Variants in KCNQ1 observed in about 807,000 individuals in gnomAD.
The protein encoded by KCNQ1 is potassium voltage-gated channel subfamily Q member 1.
In KCNQ1, 49 loss-of-function variants were observed where a neutral mutation model predicts 72.4. The observed-to-expected ratio is 0.68, with a 90% confidence interval of 0.54 to 0.86. KCNQ1 has a LOEUF of 0.86. Among genes scored for constraint, KCNQ1 ranks in the 40% least tolerant of loss-of-function variants. The probability of loss-of-function intolerance (pLI) is 0.00; values close to 1 mark genes in which losing one functional copy is unlikely to be tolerated. For missense variants in KCNQ1, 790 were observed against 945.1 expected (o/e 0.84, Z 2.15); for synonymous variants, 450 against 412.6 (o/e 1.09, Z -1.10).
rs113079763 is a variant in KCNQ1 at position 2,713,910 on chromosome 11, G to A, written c.1514+51829G>A. Among the ~76,000 whole-genome samples the A allele has an allele frequency of 0.013, 1,993 of 152,350 alleles. 20 individuals are homozygous for A. Among genetic ancestry groups the A allele is most frequent in the Non-Finnish European group, 0.021 (1,423 of 68,026 alleles). On this transcript the variant is annotated intron_variant, in intron 11 of 15. Coordinates refer to ENST00000155840, the MANE Select transcript of KCNQ1 (RefSeq NM_000218.3). The surrounding 1 kb of genome is among the most constrained non-coding windows in gnomAD (Gnocchi z 5.6). ...CCCTGCAGACACGATGGCCCAGCAC[G>A]CCGCTCACTGCCGCGCCTTTGTTCT...
chr11:2,546,777 C>T (rs1336696010), intron 2 of KCNQ1, among the ~76,000 whole-genome samples: 1 of 152,230 alleles, frequency 6.6e-6, no homozygotes, highest in Middle Eastern at 3.4e-3. Context: ...TTTGAAGCTT[C>T]GTTCTTGGGT....
chr11:2,482,840 A>G lies in KCNQ1; in HGVS notation c.386+37356A>G, dbSNP rs774652522. On this transcript the variant is annotated intron_variant, in intron 1 of 15. Coordinates refer to ENST00000155840, the MANE Select transcript of KCNQ1 (RefSeq NM_000218.3). The surrounding 1 kb of genome is among the most constrained non-coding windows in gnomAD (Gnocchi z 5.7). ...GTGCACCTGCAGCAGCAAGACTGTC[A>G]TCTAGGTTGTTGGGGAAACCAGGAG... 2.5e-4 allele frequency among the ~76,000 whole-genome samples: 38 copies of G among 151,230 alleles called. No individual in the cohort carries two copies. Among genetic ancestry groups the G allele is most frequent in the African/African-American group, 7.9e-4 (32 of 40,594 alleles).
chr11:2,780,292 G>A (rs998030667), intron 15 of KCNQ1, among the ~76,000 whole-genome samples: 3 of 152,238 alleles, frequency 2.0e-5, no homozygotes, highest in Non-Finnish European at 4.4e-5. Flanking sequence ...TGGAGGGCTT[G>A]GTGGCACAGC....
At chr11:2,662,387 C>T in intron 11 of KCNQ1, 2 of 515,444 alleles carry the variant, frequency 3.9e-6, no homozygotes. Context: ...AGCCCCCTCC[C>T]CTGCCCCCCA....
Position 2,536,874 on chromosome 11 carries a change from C to T in KCNQ1, c.477+8856C>T, listed in dbSNP as rs919645460. On this transcript the variant is annotated intron_variant, in intron 2 of 15. Transcript: ENST00000155840. This position sits in a 1 kb window ranked among gnomAD's most constrained non-coding sequence, Gnocchi z 7.4. ...GGGCTGGTTCTTCTGAGGCCCCTCC[C>T]GGCTTCTGAGGGTGGCTAGCAACTG... Among the ~76,000 whole-genome samples, 11 of 151,994 alleles carry T rather than the reference C, an allele frequency of 7.2e-5. No individual in the cohort carries two copies. The highest frequency in any genetic ancestry group is 1.5e-4 in the Non-Finnish European group (10 of 68,018).
rs113288014 is a variant in KCNQ1 at position 2,786,980 on chromosome 11, A to G, written c.1794+8943A>G. Among the ~76,000 whole-genome samples, 78 of 125,298 alleles carry G rather than the reference A, an allele frequency of 6.2e-4. 1 individual carries two copies. Among genetic ancestry groups the G allele is most frequent in the African/African-American group, 2.2e-3 (74 of 33,088 alleles). 82.2% of individuals were successfully genotyped at this position (125,298 alleles called of 152,430 possible). On this transcript the variant is annotated intron_variant, in intron 15 of 15. Coordinates refer to ENST00000155840, the MANE Select transcript of KCNQ1 (RefSeq NM_000218.3). ...TTTTTTTTTTTCATTGTAAACTTAT[A>G]TATCTTAAAATTTATCTGTGGGAAT...
At chr11:2,832,327 C>G (rs904581477) in intron 15 of KCNQ1, among the ~76,000 whole-genome samples, 2 of 152,178 alleles carry the variant, frequency 1.3e-5, no homozygotes, top group African/African-American at 4.8e-5. Flanking sequence ...GATGCCTGTG[C>G]GGGACCTGGC....
At chr11:2,662,184 C>A in intron 11 of KCNQ1, 103 bp downstream of exon 11, 1 of 1,503,680 alleles carries the variant, frequency 6.7e-7, no homozygotes, top group South Asian at 1.2e-5. Context: ...AGAGTGCTAT[C>A]TACTCGCCTA....
At chr11:2,636,362 A>G (rs1364183214) in intron 10 of KCNQ1, 1 of 151,826 alleles carries the variant, frequency 6.6e-6, no homozygotes, top group South Asian at 2.1e-4. Flanking sequence ...ACATCCCATC[A>G]ATACCTAATT....
Position 2,595,929 on chromosome 11 carries a change from T to G in KCNQ1, c.1393+7075T>G, listed in dbSNP as rs1848727183. On this transcript the variant is annotated intron_variant, in intron 10 of 15. Coordinates refer to ENST00000155840, the MANE Select transcript of KCNQ1 (RefSeq NM_000218.3). The surrounding 1 kb of genome is among the most constrained non-coding windows in gnomAD (Gnocchi z 5.0). Reference sequence around the variant, plus strand: ...AACATTAGTGATTCATGGAAGAACGTCAAAATATCAGCATTAACAGGAATT... The same window carrying G: ...AACATTAGTGATTCATGGAAGAACGGCAAAATATCAGCATTAACAGGAATT... Among the ~76,000 whole-genome samples, 1 of 152,120 alleles carries G rather than the reference T, an allele frequency of 6.6e-6. No individual in the cohort carries two copies. Among genetic ancestry groups the G allele is most frequent in the Non-Finnish European group, 1.5e-5 (1 of 68,034 alleles).
rs1214025135 is a variant in KCNQ1, at chr11:2,663,703, T to C, written c.1514+1622T>C. On this transcript the variant is annotated intron_variant, in intron 11 of 15. Transcript: ENST00000155840. The surrounding 1 kb of genome is among the most constrained non-coding windows in gnomAD (Gnocchi z 5.2). ...AGCTGGGCAGCCAGGCCTTACCAAC[T>C]CTTGGGTCTTGCAAGGCCCCTGCAG... 2.5e-6 allele frequency: 1 copy of C among 398,560 alleles called. No individual in the cohort carries two copies. Among genetic ancestry groups the C allele is most frequent in the Non-Finnish European group, 4.4e-6 (1 of 226,098 alleles). 24.7% of individuals were successfully genotyped at this position (398,560 alleles called of 1,614,324 possible).
At position 2,603,562 on chromosome 11, in the gene KCNQ1, A is replaced by G. The variant is rs547495075; in HGVS notation, c.1393+14708A>G. On this transcript the variant is annotated intron_variant, in intron 10 of 15. Transcript: ENST00000155840. This position sits in a 1 kb window ranked among gnomAD's most constrained non-coding sequence, Gnocchi z 4.1. ...ATTCCATCCCCCTCAGCCCTAGGCA[A>G]TAACTAATCTTTCTCTCTATGGGTT... Among the ~76,000 whole-genome samples, 1 of 152,198 alleles carries G rather than the reference A, an allele frequency of 6.6e-6. No individual in the cohort carries two copies. Among genetic ancestry groups the G allele is most frequent in the East Asian group, 1.9e-4 (1 of 5,176 alleles).
chr11:2,629,008 C>A (rs1478526231), intron 10 of KCNQ1: 7 of 398,154 alleles, frequency 1.8e-5, no homozygotes. Flanking sequence ...AAATATAATT[C>A]AAAATAAGCA....
rs116103203 is a variant in KCNQ1, at chr11:2,461,726, G to A, written c.386+16242G>A. 454 of 1,366,530 alleles carry A rather than the reference G, an allele frequency of 3.3e-4. 2 individuals carry two copies. The African/African-American group carries it at 5.6e-3, about 17-fold the overall frequency. The allele number at this position is 1,366,530 out of a possible 1,614,324, so 84.7% of individuals were successfully genotyped here. The stretch of plus-strand genomic sequence containing the variant: ...GGGCCTGGCATGGAGTAGGTACCCC[G>A]GGGGTGGACAGATAGGCAGAGGAAG... On this transcript the variant is annotated intron_variant, in intron 1 of 15. Coordinates refer to ENST00000155840, the MANE Select transcript of KCNQ1 (RefSeq NM_000218.3).
chr11:2,760,795 T>C (rs1846380732), intron 11 of KCNQ1, among the ~76,000 whole-genome samples: 1 of 152,174 alleles, frequency 6.6e-6, no homozygotes, highest in Non-Finnish European at 1.5e-5. Flanking sequence ...TTGCAGGACA[T>C]GTGACAGGGG....
At chr11:2,499,082 C>A (rs1298519033) in intron 1 of KCNQ1, among the ~76,000 whole-genome samples, 1 of 152,196 alleles carries the variant, frequency 6.6e-6, no homozygotes, top group Non-Finnish European at 1.5e-5. Context: ...ATGAGATGAA[C>A]TTGGTACCTC....
At chr11:2,675,982 T>A in intron 11 of KCNQ1, 1 of 398,628 alleles carries the variant, frequency 2.5e-6, no homozygotes. Flanking sequence ...AATAACACTC[T>A]CCCCACCCAA....
At chr11:2,821,601 G>A (rs980214634) in intron 15 of KCNQ1, among the ~76,000 whole-genome samples, 3 of 152,148 alleles carry the variant, frequency 2.0e-5, no homozygotes, top group Admixed American at 2.0e-4. Flanking sequence ...GGTAATTCTG[G>A]ACTGTTCACA....
intron 11 of KCNQ1, among the ~76,000 whole-genome samples, chr11:2,743,306 G>A (rs1366211586): frequency 6.6e-6 from 1 of 152,148 alleles, no homozygotes; most frequent in Non-Finnish European, 1.5e-5. Flanking sequence ...AGGTGCTGCT[G>A]GGTGTCTCTC....
Sources: gnomAD v4.1 joint callset for allele counts (sites outside exome capture counted in the v4.1 genomes callset) on GRCh38, gnomAD v4.1.1 for gene constraint, Gnocchi (gnomAD v3.1) non-coding constraint, MANE v1.5 for transcripts, NCBI Gene and HGNC (gene_info 2026-07-23, HGNC 2026-07-21) for gene names.